The following PCDHA10 variants were observed in gnomAD, a reference collection of about 807,000 sequenced individuals.
PCDHA10 encodes protocadherin alpha 10, also known as protocadherin alpha-10.
In PCDHA10, 45 loss-of-function variants were observed where a neutral mutation model predicts 61.2. The ratio of observed to expected loss-of-function variants is 0.74; its 90% CI spans 0.58 to 0.94. The LOEUF is 0.94. Ranked by LOEUF, PCDHA10 falls within the 40% of genes least tolerant of loss-of-function variation. The pLI, the probability that PCDHA10 is intolerant of heterozygous loss-of-function variation, is 0.00. For synonymous variants in PCDHA10, 602 were observed against 548.8 expected (o/e 1.10, Z -1.35); for missense variants, 1,278 against 1,236.2 (o/e 1.03, Z -0.51).
chr5:140,969,047 A>C, intron 1 of PCDHA10: 1 of 1,614,152 alleles, frequency 6.2e-7, no homozygotes, highest in Non-Finnish European at 8.5e-7. Flanking sequence ...CAAACAAGCC[A>C]ACAACAATAT....
intron 3 of PCDHA10, among the ~76,000 whole-genome samples, chr5:140,989,538 T>TAAA (rs2097347158): frequency 6.6e-6 from 1 of 152,180 alleles, no homozygotes; most frequent in Non-Finnish European, 1.5e-5. Flanking sequence ...GAAGATAGTT[T>TAAA]GTAATTCCTT....
At chr5:140,927,668 A>T in intron 1 of PCDHA10, 1 of 1,614,208 alleles carries the variant, frequency 6.2e-7, no homozygotes, top group Non-Finnish European at 8.5e-7. Flanking sequence ...CAAGCCTTGG[A>T]TCCAGATGAA....
At chr5:141,003,771 T>G (rs1301111940) in intron 3 of PCDHA10, among the ~76,000 whole-genome samples, 4 of 152,250 alleles carry the variant, frequency 2.6e-5, no homozygotes, top group African/African-American at 9.6e-5. Context: ...CGTATTCTGT[T>G]AAATAAACTT....
intron 1 of PCDHA10, chr5:140,863,174 C>T (rs781864500): frequency 1.4e-6 from 1 of 714,706 alleles, no homozygotes; most frequent in East Asian, 4.3e-5. Context: ...GCGCTGACTG[C>T]CACCGTCACC....
chr5:140,954,920 G>A (rs1295412224), intron 1 of PCDHA10, among the ~76,000 whole-genome samples: 2 of 152,076 alleles, frequency 1.3e-5, no homozygotes, highest in East Asian at 3.9e-4. Context: ...TATGAATTAC[G>A]TCTTTAATTA....
At chr5:140,912,914 T>C (rs141956430) in intron 1 of PCDHA10, among the ~76,000 whole-genome samples, 326 of 152,372 alleles carry the variant, frequency 2.1e-3, no homozygotes, top group African/African-American at 7.4e-3. Context: ...ATTGATTGAT[T>C]TGTGTATGTT....
At chr5:140,877,380 C>T (rs372220347) in intron 1 of PCDHA10, 25 of 1,613,862 alleles carry the variant, frequency 1.5e-5, no homozygotes, top group Middle Eastern at 1.6e-4. Context: ...CGACACGCAT[C>T]CTGGATGAGG....
At chr5:140,973,921 C>T (rs1407436010) in intron 1 of PCDHA10, among the ~76,000 whole-genome samples, 1 of 152,210 alleles carries the variant, frequency 6.6e-6, no homozygotes, top group Non-Finnish European at 1.5e-5. Context: ...TGTCACCAAA[C>T]CCAGAGGTTT....
chr5:140,971,488 A>C (rs17119328), intron 1 of PCDHA10, among the ~76,000 whole-genome samples: 9,487 of 152,206 alleles, frequency 0.062, 310 homozygotes, highest in African/African-American at 0.074. Flanking sequence ...ACATTGTTAC[A>C]GTGTGGCAAG....
At chr5:141,006,584 G>C (rs1554260824) in intron 3 of PCDHA10, among the ~76,000 whole-genome samples, 2 of 152,126 alleles carry the variant, frequency 1.3e-5, no homozygotes, top group Admixed American at 6.6e-5. Flanking sequence ...GAGGGTTGGA[G>C]AGAAGCAAAA....
At chr5:140,923,071 C>T (rs1319984584) in intron 1 of PCDHA10, among the ~76,000 whole-genome samples, 2 of 152,202 alleles carry the variant, frequency 1.3e-5, no homozygotes, top group Non-Finnish European at 2.9e-5. Context: ...TAGGTCTCCT[C>T]ATGTCAGCAC....
At chr5:140,878,571 A>G (rs531090803) in intron 1 of PCDHA10, among the ~76,000 whole-genome samples, 48 of 152,346 alleles carry the variant, frequency 3.2e-4, no homozygotes, top group African/African-American at 1.1e-3. Context: ...ATCATAGTAT[A>G]CCACTGCCCT....
chr5:140,933,372 C>T (rs1332069734), intron 1 of PCDHA10, among the ~76,000 whole-genome samples: 2 of 151,918 alleles, frequency 1.3e-5, no homozygotes, highest in African/African-American at 2.4e-5. Flanking sequence ...TCCCAAATTC[C>T]TTGGCTGTTC....
rs149782026 is a variant in PCDHA10, at chr5:140,944,645, G to A, written c.2389-34304G>A. ...TAGTGTTGTAAGCCAGTGTGGATTG[G>A]GAGTCCATACCCCTTATTTATCTAT... On this transcript the variant is annotated intron_variant, in intron 1 of 3. Coordinates refer to ENST00000307360, the MANE Select transcript of PCDHA10 (RefSeq NM_018901.4). Among the ~76,000 whole-genome samples, 728 of 152,260 alleles carry A rather than the reference G, an allele frequency of 4.8e-3. 7 individuals are homozygous for A. The highest frequency in any genetic ancestry group is 0.017 in the African/African-American group (702 of 41,552).
chr5:140,928,033 A>G, intron 1 of PCDHA10: 1 of 1,614,198 alleles, frequency 6.2e-7, no homozygotes, highest in Non-Finnish European at 8.5e-7. Context: ...TGGCATGTCT[A>G]GTGCAGGCCC....
intron 1 of PCDHA10, chr5:140,882,644 A>G (rs368491324): frequency 1.9e-6 from 3 of 1,614,138 alleles, no homozygotes; most frequent in Admixed American, 1.7e-5. Flanking sequence ...GGTGAGGGAC[A>G]TTAACGACAA....
At chr5:140,984,441 T>A (rs1554246265) in intron 3 of PCDHA10, among the ~76,000 whole-genome samples, 3 of 152,200 alleles carry the variant, frequency 2.0e-5, no homozygotes, top group Admixed American at 6.5e-5. Context: ...TCTCCCTTGT[T>A]CCCTTTCTTA....
At chr5:140,926,872 AC>A in intron 1 of PCDHA10, 1 of 1,525,488 alleles carries the variant, frequency 6.6e-7, no homozygotes, top group Non-Finnish European at 8.8e-7. Flanking sequence ...TGTTGGTGGA[AC>A]GTGGACGCCT....
In PCDHA10 at chr5:140,858,010, C is replaced by A; in HGVS notation, c.1962C>A (p.Gly654=). The change falls in exon 1 of 4, where the codon GGC becomes GGA. Residue 654 remains glycine (G), a synonymous_variant. Coordinates refer to ENST00000307360, the MANE Select transcript of PCDHA10 (RefSeq NM_018901.4). ...QRLLVLVKDH[G]EPSLTATATV... is the part of the protein sequence containing the mutation. ...TACTGGTGCTGGTGAAGGACCATGG[C>A]GAGCCGTCGCTGACGGCCACGGCCA... 2 of 1,596,490 alleles carry A rather than the reference C, an allele frequency of 1.3e-6. No homozygotes were observed. The highest frequency in any genetic ancestry group is 3.3e-4 in the Middle Eastern group (2 of 5,992).
Sources: gnomAD v4.1 joint callset for allele counts (sites outside exome capture counted in the v4.1 genomes callset) on GRCh38, gnomAD v4.1.1 for gene constraint, MANE v1.5 for transcripts, NCBI Gene and HGNC (gene_info 2026-07-23, HGNC 2026-07-21) for gene names.